The following PRSS8 variants were observed in gnomAD, a reference collection of about 807,000 sequenced individuals.
The protein encoded by PRSS8 is prostasin.
Under a neutral mutation model 26.7 loss-of-function variants are expected in PRSS8, and 11 were observed. That is an observed-to-expected ratio of 0.41 (90% CI 0.26 to 0.68). The LOEUF (loss-of-function observed/expected upper bound fraction) is 0.68, where lower values mean the gene tolerates loss of function less well. PRSS8 is among the 30% of genes least tolerant of loss of function. The probability of loss-of-function intolerance (pLI) is 0.30; values close to 1 mark genes in which losing one functional copy is unlikely to be tolerated. For synonymous variants in PRSS8, 183 were observed against 187.0 expected, an observed-to-expected ratio of 0.98 and a Z score of 0.17; for missense variants, 362 against 443.5, an observed-to-expected ratio of 0.82 and a Z score of 1.65.
rs2057592416 is a variant in PRSS8, at chr16:31,133,674, T to C, written c.104-286A>G. Among the ~76,000 whole-genome samples, 3 of 152,174 alleles carry C rather than the reference T, an allele frequency of 2.0e-5. No homozygotes were observed. The highest frequency in any genetic ancestry group is 2.0e-4 in the Admixed American group (3 of 15,270). On this transcript the variant is annotated intron_variant, in intron 2 of 5. Coordinates refer to ENST00000317508, the MANE Select transcript of PRSS8 (RefSeq NM_002773.5). This position sits in a 1 kb window ranked among gnomAD's most constrained non-coding sequence, Gnocchi z 4.7. ...GGCCACAGCCCTGCTTAAACCCTTCTTGGCTCCACGCGGTCCTTAAGATAC... is the reference window on the plus strand; with the variant it reads ...GGCCACAGCCCTGCTTAAACCCTTCCTGGCTCCACGCGGTCCTTAAGATAC...
rs12597511 is a variant in PRSS8 at position 31,133,898 on chromosome 16, C to T, written c.104-510G>A. On this transcript the variant is annotated intron_variant, in intron 2 of 5. Coordinates refer to ENST00000317508, the MANE Select transcript of PRSS8 (RefSeq NM_002773.5). This position sits in a 1 kb window ranked among gnomAD's most constrained non-coding sequence, Gnocchi z 4.7. Reference sequence around the variant, plus strand: ...TGCTTGATTGGAACAGCAGCCCCTCCGTAGACAGGCGGGCTTCTGCTGGCT... The same window carrying T: ...TGCTTGATTGGAACAGCAGCCCCTCTGTAGACAGGCGGGCTTCTGCTGGCT... The T allele has an allele frequency of 0.32, 52,295 of 163,972 alleles. 10,504 individuals are homozygous for T. The highest frequency in any genetic ancestry group is 0.89 in the East Asian group (5,141 of 5,754). 10.2% of individuals were successfully genotyped at this position (163,972 alleles called of 1,614,324 possible).
chr16:31,132,602 G>A lies in PRSS8; in HGVS notation c.539-7C>T, dbSNP rs1359239492. The A allele has an allele frequency of 1.2e-6, 2 of 1,613,908 alleles. No homozygotes were observed. Among genetic ancestry groups the A allele is most frequent in the South Asian group, 1.1e-5 (1 of 91,086 alleles). ...TTGGGCGTCAGGAGGCTCACTGTGGGGGTAAAAGAGGCTTACCCTGGGCCC... is the reference window on the plus strand; with the variant it reads ...TTGGGCGTCAGGAGGCTCACTGTGGAGGTAAAAGAGGCTTACCCTGGGCCC... On this transcript the variant is annotated splice_region_variant and splice_polypyrimidine_tract_variant and intron_variant, in intron 4 of 5. Coordinates refer to ENST00000317508, the MANE Select transcript of PRSS8 (RefSeq NM_002773.5). The surrounding 1 kb of genome is among the most constrained non-coding windows in gnomAD (Gnocchi z 5.2).
Position 31,133,180 on chromosome 16 carries a change from A to G in PRSS8, c.266+46T>C. ...CCCAACCTCTGACCTGGATTGACCC[A>G]TTAACTTTGACCTCCAGCCCACTTT... is the stretch of plus-strand genomic sequence containing the variant. On this transcript the variant is annotated intron_variant, in intron 3 of 5. Transcript: ENST00000317508. The surrounding 1 kb of genome is among the most constrained non-coding windows in gnomAD (Gnocchi z 4.7). 6.2e-7 allele frequency: 1 copy of G among 1,612,568 alleles called. No individual in the cohort carries two copies.
chr16:31,132,416 G>C lies in PRSS8; in HGVS notation c.705+13C>G. On this transcript the variant is annotated intron_variant, in intron 5 of 5. Transcript: ENST00000317508. This position sits in a 1 kb window ranked among gnomAD's most constrained non-coding sequence, Gnocchi z 5.2. The stretch of plus-strand genomic sequence containing the variant: ...AGTTGCACTGGTCATCTGCCCCCCG[G>C]GCCTGTGCTTACCTGGCAGGCGTCC... 2 of 1,613,784 alleles carry C rather than the reference G, an allele frequency of 1.2e-6. No homozygotes were observed. Among genetic ancestry groups the C allele is most frequent in the Non-Finnish European group, 1.7e-6 (2 of 1,179,744 alleles).
At position 31,132,558 on chromosome 16, in the gene PRSS8, C is replaced by T. The variant is rs752909621; in HGVS notation, c.576G>A (p.Glu192=). 1.9e-6 allele frequency: 3 copies of T among 1,614,042 alleles called. No homozygotes were observed. Among genetic ancestry groups the T allele is most frequent in the Non-Finnish European group, 1.7e-6 (2 of 1,179,886 alleles). Residue 192 remains glutamate (E), a synonymous_variant, in exon 5 of 6, where the codon GAG becomes GAA. Coordinates refer to ENST00000317508, the MANE Select transcript of PRSS8 (RefSeq NM_002773.5). This position sits in a 1 kb window ranked among gnomAD's most constrained non-coding sequence, Gnocchi z 5.2. ...LLTPKPLQQL[E]VPLISRETCN... ...ACGTCTCACGACTGATCAGAGGCAC[C>T]TCGAGTTGCTGCAGTGGCTTGGGCG...
chr16:31,135,506 G>C lies in PRSS8; in HGVS notation c.-8C>G. On this transcript the variant is annotated 5_prime_UTR_variant, in exon 1 of 6. Coordinates refer to ENST00000317508, the MANE Select transcript of PRSS8 (RefSeq NM_002773.5). ...GACCCCCTTCTGGGCCATGGCCCAG[G>C]ACAAGGGCCCCTGGGGCAGACTCCA... The C allele has an allele frequency of 6.5e-7, 1 of 1,539,444 alleles. No individual in the cohort carries two copies. The highest frequency in any genetic ancestry group is 1.4e-5 in the African/African-American group (1 of 72,060).
chr16:31,133,451 G>T lies in PRSS8; in HGVS notation c.104-63C>A. ...CTGGCCACTCCTATGCAGCCCAGGA[G>T]CTCTGATATAGAGCTTGGGAAGTGG... On this transcript the variant is annotated intron_variant, in intron 2 of 5. Coordinates refer to ENST00000317508, the MANE Select transcript of PRSS8 (RefSeq NM_002773.5). The surrounding 1 kb of genome is among the most constrained non-coding windows in gnomAD (Gnocchi z 4.7). 1.3e-6 allele frequency: 2 copies of T among 1,588,500 alleles called. No homozygotes were observed. The highest frequency in any genetic ancestry group is 8.6e-7 in the Non-Finnish European group (1 of 1,169,050).
At position 31,132,137 on chromosome 16, in the gene PRSS8, C is replaced by T. The variant is rs200628995; in HGVS notation, c.904G>A (p.Asp302Asn). The change falls in exon 6 of 6, where the codon GAC becomes AAC. Residue 302 changes from aspartate to asparagine, a missense_variant. Coordinates refer to ENST00000317508, the MANE Select transcript of PRSS8 (RefSeq NM_002773.5). The surrounding 1 kb of genome is among the most constrained non-coding windows in gnomAD (Gnocchi z 5.2). The part of the protein sequence containing the change: ...VVPQTQESQP[D>N]SNLCGSHLAF... ...AGGTGGCTGCCACAGAGGTTGCTGTCGGGCTGGGACTCCTGGGTTTGGGGC... is the reference window on the plus strand; with the variant it reads ...AGGTGGCTGCCACAGAGGTTGCTGTTGGGCTGGGACTCCTGGGTTTGGGGC... 46 of 1,613,614 alleles carry T rather than the reference C, an allele frequency of 2.9e-5. No individual in the cohort carries two copies. In the African/African-American group the frequency reaches 3.2e-4, roughly 11 times the overall value.
At position 31,131,735 on chromosome 16, in the gene PRSS8, C is replaced by A; in HGVS notation, c.*274G>T. The A allele has an allele frequency of 2.2e-6, 1 of 465,074 alleles. No individual in the cohort carries two copies. The highest frequency in any genetic ancestry group is 3.8e-6 in the Non-Finnish European group (1 of 262,048). The allele number at this position is 465,074 out of a possible 1,614,324, so 28.8% of individuals were successfully genotyped here. ...TTTTCATAGCCAAGGGTCCCAGGAG[C>A]TCCCCAGGAGCTCGGCCAATGGGCT... On this transcript the variant is annotated 3_prime_UTR_variant, in exon 6 of 6. Transcript: ENST00000317508.
In PRSS8 at chr16:31,135,422, G is replaced by C; in HGVS notation, c.77C>G (p.Ser26Trp). The C allele has an allele frequency of 1.3e-6, 2 of 1,594,058 alleles. No individual in the cohort carries two copies. The highest frequency in any genetic ancestry group is 2.3e-5 in the South Asian group (2 of 87,960). ...AILLYLGLLR[S>W]GTGAEGAEAP... is the part of the protein sequence containing the mutation. ...CCCACGTCCTCACTTACCTGTCCCC[G>C]ACCGGAGTAATCCAAGATAGAGCAG... is the stretch of plus-strand genomic sequence containing the variant. The change falls in exon 1 of 6, where the codon TCG becomes TGG. Residue 26 changes from serine (S) to tryptophan (W), a missense_variant. By Grantham distance (177) the Ser-to-Trp change is radical. Transcript: ENST00000317508.
intron 2 of PRSS8, chr16:31,134,857 C>T: frequency 2.3e-6 from 1 of 427,022 alleles, no homozygotes; most frequent in East Asian, 4.5e-5. Context: ...TGGGTGACGA[C>T]AGACCCAGAC....
chr16:31,132,851 G>T lies in PRSS8; in HGVS notation c.369C>A (p.His123Gln). The T allele has an allele frequency of 6.2e-7, 1 of 1,613,874 alleles. No individual in the cohort carries two copies. The highest frequency in any genetic ancestry group is 1.1e-5 in the South Asian group (1 of 91,090). Residue 123 changes from histidine (H) to glutamine (Q), a missense_variant, in exon 4 of 6, where the codon CAC (histidine) becomes CAA (glutamine). By Grantham distance (24) the His-to-Gln change is conservative. Coordinates refer to ENST00000317508, the MANE Select transcript of PRSS8 (RefSeq NM_002773.5). This position sits in a 1 kb window ranked among gnomAD's most constrained non-coding sequence, Gnocchi z 5.2. ...KVSTLKDIIP[H>Q]PSYLQEGSQG... ...GGGAGCCCTCCTGGAGGTAGCTGGGGTGGGGGATGATGTCCTTCAGGGTGC... is the reference window on the plus strand; with the variant it reads ...GGGAGCCCTCCTGGAGGTAGCTGGGTTGGGGGATGATGTCCTTCAGGGTGC...
chr16:31,132,026 A>C lies in PRSS8; in HGVS notation c.1015T>G (p.Trp339Gly). ...LGLALGLLSP[W>G]LSEH ...GGGCCAGCTCAGTGCTCGCTGAGCC[A>C]TGGGGAGAGGAGGCCCAGAGCCAGG... The change falls in exon 6 of 6, where the codon TGG becomes GGG. Residue 339 changes from tryptophan (W) to glycine (G), a missense_variant. Trp to Gly is a radical substitution (Grantham distance 184). Coordinates refer to ENST00000317508, the MANE Select transcript of PRSS8 (RefSeq NM_002773.5). This position sits in a 1 kb window ranked among gnomAD's most constrained non-coding sequence, Gnocchi z 5.2. The C allele has an allele frequency of 6.3e-7, 1 of 1,582,856 alleles. No homozygotes were observed. The highest frequency in any genetic ancestry group is 8.6e-7 in the Non-Finnish European group (1 of 1,164,508).
In PRSS8 at chr16:31,132,006, A is replaced by G. The variant is rs1272329216; in HGVS notation, c.*3T>C. On this transcript the variant is annotated 3_prime_UTR_variant, in exon 6 of 6. Coordinates refer to ENST00000317508, the MANE Select transcript of PRSS8 (RefSeq NM_002773.5). The surrounding 1 kb of genome is among the most constrained non-coding windows in gnomAD (Gnocchi z 5.2). ...ATGCATCCATCCTGGAAGTAGGGCC[A>G]GCTCAGTGCTCGCTGAGCCATGGGG... 6 of 1,552,994 alleles carry G rather than the reference A, an allele frequency of 3.9e-6. No individual in the cohort carries two copies. Among genetic ancestry groups the G allele is most frequent in the Non-Finnish European group, 5.2e-6 (6 of 1,148,096 alleles).
In PRSS8 at chr16:31,135,313, G is replaced by A. The variant is rs2144006769; in HGVS notation, c.85+101C>T. The stretch of plus-strand genomic sequence containing the variant: ...AGAGAGGCCAAGAGCTAGGGAGGCC[G>A]GGGGTTTTCTTGGGCCCCAGACAAG... On this transcript the variant is annotated intron_variant, in intron 1 of 5. Coordinates refer to ENST00000317508, the MANE Select transcript of PRSS8 (RefSeq NM_002773.5). The A allele has an allele frequency of 6.4e-6, 10 of 1,571,828 alleles. No homozygotes were observed. In the East Asian group the frequency reaches 1.8e-4, roughly 28 times the overall value.
In PRSS8 at chr16:31,133,009, C is replaced by G; in HGVS notation, c.267-56G>C. The G allele has an allele frequency of 6.3e-7, 1 of 1,583,386 alleles. No individual in the cohort carries two copies. The highest frequency in any genetic ancestry group is 8.6e-7 in the Non-Finnish European group (1 of 1,166,126). Reference sequence around the variant, plus strand: ...GGAGACCTCTCCTTGTTCCCCAACCCCCACTGCCAACCCCTGATTCCGATC... The same window carrying G: ...GGAGACCTCTCCTTGTTCCCCAACCGCCACTGCCAACCCCTGATTCCGATC... On this transcript the variant is annotated intron_variant, in intron 3 of 5. Coordinates refer to ENST00000317508, the MANE Select transcript of PRSS8 (RefSeq NM_002773.5). The surrounding 1 kb of genome is among the most constrained non-coding windows in gnomAD (Gnocchi z 4.7).
In PRSS8 at chr16:31,132,027, TG is replaced by T; in HGVS notation, c.1013del (p.Pro338HisfsTer35). ...PLGLALGLLS[P>X]WLSEH The stretch of plus-strand genomic sequence containing the variant: ...GGCCAGCTCAGTGCTCGCTGAGCCA[TG>T]GGGAGAGGAGGCCCAGAGCCAGGCC... On this transcript the variant is annotated frameshift_variant, in exon 6 of 6. Transcript: ENST00000317508. LOFTEE classifies it high-confidence loss of function. This position sits in a 1 kb window ranked among gnomAD's most constrained non-coding sequence, Gnocchi z 5.2. The T allele has an allele frequency of 6.3e-7, 1 of 1,583,234 alleles. No individual in the cohort carries two copies. Among genetic ancestry groups the T allele is most frequent in the Non-Finnish European group, 8.6e-7 (1 of 1,164,742 alleles).
chr16:31,135,338 G>A (rs2057600417), intron 1 of PRSS8, 76 bp downstream of exon 1: 4 of 1,573,798 alleles, frequency 2.5e-6, no homozygotes, highest in South Asian at 1.1e-5. Flanking sequence ...CCCCAGACAA[G>A]GGCACACCCC....
Position 31,131,438 on chromosome 16 carries a change from C to A in PRSS8, c.*571G>T. ...CTTCACACATGCACGGCAAGTTGTG[C>A]TCAAACATTTTAATCATTTCTGCCC... On this transcript the variant is annotated 3_prime_UTR_variant, in exon 6 of 6. Coordinates refer to ENST00000317508, the MANE Select transcript of PRSS8 (RefSeq NM_002773.5). The A allele has an allele frequency of 2.9e-6, 2 of 698,292 alleles. No individual in the cohort carries two copies. Among genetic ancestry groups the A allele is most frequent in the East Asian group, 5.5e-5 (2 of 36,482 alleles). The allele number at this position is 698,292 out of a possible 1,614,324, so 43.3% of individuals were successfully genotyped here.
Sources: gnomAD v4.1 joint callset for allele counts (sites outside exome capture counted in the v4.1 genomes callset) on GRCh38, gnomAD v4.1.1 for gene constraint, Gnocchi (gnomAD v3.1) non-coding constraint, MANE v1.5 for transcripts, NCBI Gene and HGNC (gene_info 2026-07-23, HGNC 2026-07-21) for gene names.